MKKS: variants seen among roughly 807,000 people sequenced by gnomAD.
MKKS encodes MKKS centrosomal shuttling protein.
MKKS carries 29 observed loss-of-function variants against 33.2 expected under a neutral mutation model. The ratio of observed to expected loss-of-function variants is 0.87; its 90% confidence interval spans 0.65 to 1.19. The LOEUF is 1.19. MKKS is among the 50% of genes most tolerant of loss of function. MKKS has a pLI of 0.00. For missense variants in MKKS, 661 were observed against 662.3 expected (o/e 1.00, Z 0.02); for synonymous variants, 260 against 244.0 (o/e 1.07, Z -0.61).
intron 3 of MKKS, among the ~76,000 whole-genome samples, chr20:10,412,329 T>C (rs1378827641): frequency 2.6e-5 from 4 of 152,170 alleles, no homozygotes; most frequent in East Asian, 1.9e-4. Context: ...TGAAAATACA[T>C]AGAAAATGGC....
rs1178688003 is a variant in MKKS, at chr20:10,404,361, G to A, written c.*886C>T. The A allele has an allele frequency of 6.6e-6, 1 of 151,162 alleles. No homozygotes were observed. The highest frequency in any genetic ancestry group is 1.5e-5 in the Non-Finnish European group (1 of 67,930). 9.4% of individuals were successfully genotyped at this position (151,162 alleles called of 1,614,324 possible). On this transcript the variant is annotated 3_prime_UTR_variant, in exon 6 of 6. Transcript: ENST00000347364. ...ACCAACAACAGTTTTGCTCTTCGGG[G>A]GACATTTGGCAATGTCTGGAAACAT... is the stretch of plus-strand genomic sequence containing the variant.
chr20:10,421,523 G>A (rs1341872729), intron 1 of MKKS, among the ~76,000 whole-genome samples: 10 of 152,044 alleles, frequency 6.6e-5, no homozygotes, highest in Admixed American at 2.0e-4. Context: ...CTGACAGGAT[G>A]TAGTGATAGT....
chr20:10,418,257 C>T (rs1332055636), intron 2 of MKKS, among the ~76,000 whole-genome samples: 4 of 152,168 alleles, frequency 2.6e-5, no homozygotes, highest in Non-Finnish European at 5.9e-5. Context: ...ACTGGCAAAA[C>T]GCTGTTAACT....
chr20:10,414,579 A>T (rs1568667606), intron 2 of MKKS, among the ~76,000 whole-genome samples: 1 of 152,156 alleles, frequency 6.6e-6, no homozygotes, highest in African/African-American at 2.4e-5. Flanking sequence ...TCTGAGTCTT[A>T]AAAGAAGTCC....
rs544299511 is a variant in MKKS, at chr20:10,405,741, T to C, written c.1273-54A>G. 5.1e-4 allele frequency: 741 copies of C among 1,442,160 alleles called. 7 individuals carry two copies. In the South Asian group the frequency reaches 8.2e-3, roughly 16 times the overall value. 89.3% of individuals were successfully genotyped at this position (1,442,160 alleles called of 1,614,324 possible). A position where few individuals can be genotyped will look rare whatever the true frequency, so the allele number is the denominator to read the frequency against. On this transcript the variant is annotated intron_variant, in intron 5 of 5. Coordinates refer to ENST00000347364, the MANE Select transcript of MKKS (RefSeq NM_170784.3). ...CATACAAAGCAATTAATATAAAATG[T>C]TTCAGAAAAATAAGATACTGAAATC... is the stretch of plus-strand genomic sequence containing the variant.
At position 10,413,556 on chromosome 20, in the gene MKKS, T is replaced by A; in HGVS notation, c.-42A>T. ...ACTAGTGAAGACCGTTTTTATTTTG[T>A]AAACCACATTTTTCTATTTATTGCA... On this transcript the variant is annotated 5_prime_UTR_variant, in exon 3 of 6. Coordinates refer to ENST00000347364, the MANE Select transcript of MKKS (RefSeq NM_170784.3). 2 of 1,605,430 alleles carry A rather than the reference T, an allele frequency of 1.2e-6. No individual in the cohort carries two copies. Among genetic ancestry groups the A allele is most frequent in the Non-Finnish European group, 1.7e-6 (2 of 1,172,958 alleles).
intron 1 of MKKS, among the ~76,000 whole-genome samples, chr20:10,423,765 A>G (rs1401462124): frequency 6.6e-6 from 1 of 152,244 alleles, no homozygotes; most frequent in African/African-American, 2.4e-5. Context: ...TAACTTAAGG[A>G]TCGATGAATC....
At chr20:10,428,843 C>CAATA (rs112459810) in intron 1 of MKKS, among the ~76,000 whole-genome samples, 2 of 151,180 alleles carry the variant, frequency 1.3e-5, no homozygotes, top group South Asian at 2.1e-4. Flanking sequence ...GACTCCGTCT[C>CAATA]AATAAATAAA....
intron 1 of MKKS, among the ~76,000 whole-genome samples, chr20:10,429,691 C>A (rs183244484): frequency 1.9e-4 from 29 of 152,336 alleles, no homozygotes; most frequent in African/African-American, 6.3e-4. Flanking sequence ...CTCAGCACAT[C>A]CTGCCATTTG....
chr20:10,403,215 C>G lies in MKKS; in HGVS notation c.*2032G>C, dbSNP rs1197620254. ...TGGCTTCCATTGAGAGAGAAGGCAT[C>G]AAGAGACAAACTCATCTTTTTACCA... On this transcript the variant is annotated 3_prime_UTR_variant, in exon 6 of 6. Transcript: ENST00000347364. The G allele has an allele frequency of 6.6e-6, 1 of 152,208 alleles. No individual in the cohort carries two copies. Among genetic ancestry groups the G allele is most frequent in the Non-Finnish European group, 1.5e-5 (1 of 68,084 alleles). The allele number at this position is 152,208 out of a possible 1,614,324, so 9.4% of individuals were successfully genotyped here.
intron 1 of MKKS, among the ~76,000 whole-genome samples, chr20:10,424,714 T>A (rs932181281): frequency 6.6e-6 from 1 of 152,218 alleles, no homozygotes; most frequent in African/African-American, 2.4e-5. Flanking sequence ...ACAATTTAAA[T>A]TTAGCACTTT....
intron 1 of MKKS, among the ~76,000 whole-genome samples, chr20:10,425,019 C>T (rs938895612): frequency 2.6e-5 from 4 of 151,150 alleles, no homozygotes; most frequent in Non-Finnish European, 4.4e-5. Flanking sequence ...TGCCATTGCA[C>T]TCCCACCTAG....
intron 1 of MKKS, among the ~76,000 whole-genome samples, chr20:10,431,107 A>G (rs2065050932): frequency 6.6e-6 from 1 of 152,226 alleles, no homozygotes; most frequent in Non-Finnish European, 1.5e-5. Flanking sequence ...GGAAGTGCTC[A>G]ATACACGGCA....
In MKKS at chr20:10,404,725, C is replaced by T. The variant is rs1364985190; in HGVS notation, c.*522G>A. On this transcript the variant is annotated 3_prime_UTR_variant, in exon 6 of 6. Coordinates refer to ENST00000347364, the MANE Select transcript of MKKS (RefSeq NM_170784.3). ...AACCAGGTTCTACTCAATTACCTAA[C>T]CACTGAAGAATATAGCTTGAGATAA... is the stretch of plus-strand genomic sequence containing the variant. 6.6e-6 allele frequency: 1 copy of T among 152,244 alleles called. No homozygotes were observed. Among genetic ancestry groups the T allele is most frequent in the Non-Finnish European group, 1.5e-5 (1 of 68,148 alleles). 9.4% of individuals were successfully genotyped at this position (152,244 alleles called of 1,614,324 possible). A position where few individuals can be genotyped will look rare whatever the true frequency, so the allele number is the denominator to read the frequency against.
chr20:10,407,821 T>G, intron 4 of MKKS, 95 bp from the exon 5 acceptor site: 1 of 951,540 alleles, frequency 1.1e-6, no homozygotes, highest in Non-Finnish European at 1.7e-6. Context: ...ATACAGAGAG[T>G]GTGATTTTAA....
chr20:10,422,234 A>T (rs1210278071), intron 1 of MKKS, among the ~76,000 whole-genome samples: 1 of 152,174 alleles, frequency 6.6e-6, no homozygotes, highest in African/African-American at 2.4e-5. Context: ...GCAAAATTTT[A>T]ATTACTAGAT....
At chr20:10,409,804 C>T (rs771526319) in intron 3 of MKKS, among the ~76,000 whole-genome samples, 1 of 151,658 alleles carries the variant, frequency 6.6e-6, no homozygotes, top group Non-Finnish European at 1.5e-5. Flanking sequence ...AACCCCGTCT[C>T]TACTAAAAAT....
At chr20:10,423,054 A>T (rs2064992472) in intron 1 of MKKS, among the ~76,000 whole-genome samples, 1 of 151,750 alleles carries the variant, frequency 6.6e-6, no homozygotes, top group African/African-American at 2.4e-5. Flanking sequence ...GCCATTCACC[A>T]TTTACTTCTC....
chr20:10,413,640 T>C lies in MKKS; in HGVS notation c.-126A>G, dbSNP rs750015695. Reference sequence around the variant, plus strand: ...GGAATTAAAGTATGAATATGCAGCATTGTGGCTATAAAATCAAAAAGTTCA... The same window carrying C: ...GGAATTAAAGTATGAATATGCAGCACTGTGGCTATAAAATCAAAAAGTTCA... On this transcript the variant is annotated 5_prime_UTR_variant, in exon 3 of 6. An upstream start codon of the reference 5' UTR is lost. Transcript: ENST00000347364. The C allele has an allele frequency of 5.6e-6, 6 of 1,070,294 alleles. No individual in the cohort carries two copies. The highest frequency in any genetic ancestry group is 3.0e-4 in the Middle Eastern group (1 of 3,356). The allele number at this position is 1,070,294 out of a possible 1,614,324, so 66.3% of individuals were successfully genotyped here. A position where few individuals can be genotyped will look rare whatever the true frequency, so the allele number is the denominator to read the frequency against.
Sources: gnomAD v4.1 joint callset for allele counts (sites outside exome capture counted in the v4.1 genomes callset) on GRCh38, gnomAD v4.1.1 for gene constraint, MANE v1.5 for transcripts, NCBI Gene and HGNC (gene_info 2026-07-23, HGNC 2026-07-21) for gene names.